The following ZNF57 variants were observed in gnomAD, a reference collection of about 807,000 sequenced individuals.
ZNF57 encodes zinc finger protein 424.
ZNF57 carries 11 observed loss-of-function variants against 13.4 expected under a neutral mutation model. The ratio of observed to expected loss-of-function variants is 0.82; its 90% CI spans 0.52 to 1.36. ZNF57 has a LOEUF of 1.36. ZNF57 is among the 40% of genes most tolerant of loss of function. ZNF57 has a pLI of 0.00. For missense variants in ZNF57, 696 were observed against 667.5 expected (o/e 1.04, Z -0.47); for synonymous variants, 224 against 238.5 (o/e 0.94, Z 0.56).
chr19:2,917,525 C>T lies in ZNF57; in HGVS notation c.904C>T (p.His302Tyr). 6.2e-7 allele frequency: 1 copy of T among 1,613,758 alleles called. No individual in the cohort carries two copies. Among genetic ancestry groups the T allele is most frequent in the South Asian group, 1.1e-5 (1 of 91,018 alleles). Reference sequence around the variant, plus strand: ...GGCTTTTCAAAGACATGAGAAGACGCACACGGGAGAGAAGCCCTATGAATG... The same window carrying T: ...GGCTTTTCAAAGACATGAGAAGACGTACACGGGAGAGAAGCCCTATGAATG... ...PQAFQRHEKT[H>Y]TGEKPYECKQ... Residue 302 changes from histidine (H) to tyrosine (Y), a missense_variant, in exon 4 of 4, where the codon CAC becomes TAC. By Grantham distance (83) the His-to-Tyr change is moderately conservative. Coordinates refer to ENST00000306908, the MANE Select transcript of ZNF57 (RefSeq NM_173480.3).
At chr19:2,908,507 C>T (rs2088097249) in intron 1 of ZNF57, among the ~76,000 whole-genome samples, 2 of 136,572 alleles carry the variant, frequency 1.5e-5, no homozygotes, top group African/African-American at 5.5e-5. Context: ...GTCGCCCAGG[C>T]TGGAGTGCAG....
At chr19:2,909,344 G>T in intron 1 of ZNF57, among the ~76,000 whole-genome samples, 1 of 80,480 alleles carries the variant, frequency 1.2e-5, no homozygotes, top group Non-Finnish European at 2.8e-5. Context: ...GCAGTGGCGC[G>T]ATCTCGGCTC....
At chr19:2,901,925 CA>C (rs964872715) in intron 1 of ZNF57, among the ~76,000 whole-genome samples, 8 of 151,954 alleles carry the variant, frequency 5.3e-5, no homozygotes, top group Non-Finnish European at 1.2e-4. Context: ...GACGATGTTT[CA>C]AAGTACATTC....
chr19:2,916,921 C>T lies in ZNF57; in HGVS notation c.303-3C>T. 1 of 1,558,100 alleles carries T rather than the reference C, an allele frequency of 6.4e-7. No homozygotes were observed. Among genetic ancestry groups the T allele is most frequent in the South Asian group, 1.2e-5 (1 of 82,770 alleles). On this transcript the variant is annotated splice_polypyrimidine_tract_variant and splice_region_variant and intron_variant, in intron 3 of 3. Transcript: ENST00000306908. ...ACATAAAAATGTCTCTCATTTTTAA[C>T]AGAAATCATATGGTGGACAGATTCT...
intron 1 of ZNF57, among the ~76,000 whole-genome samples, chr19:2,905,522 C>T (rs1385938206): frequency 1.3e-5 from 2 of 149,532 alleles, no homozygotes; most frequent in South Asian, 2.1e-4. Flanking sequence ...AATTGTCCCT[C>T]TACCGGCGGA....
chr19:2,912,724 CCA>C (rs2088150575), intron 1 of ZNF57, among the ~76,000 whole-genome samples: 1 of 152,138 alleles, frequency 6.6e-6, no homozygotes, highest in Non-Finnish European at 1.5e-5. Context: ...AAAAGAACTG[CCA>C]CACTGTTTTC....
At chr19:2,916,858 GTTAAT>G (rs2088203725) in intron 3 of ZNF57, 61 bp from the exon 4 acceptor site, 2 of 1,353,056 alleles carry the variant, frequency 1.5e-6, no homozygotes, top group Non-Finnish European at 2.0e-6. Flanking sequence ...TCTAATACTT[GTTAAT>G]ACATCTCAAC....
rs1166896869 is a variant in ZNF57 at position 2,911,101 on chromosome 19, C to T, written c.4-4421C>T. 2.6e-5 allele frequency among the ~76,000 whole-genome samples: 4 copies of T among 152,150 alleles called. No individual in the cohort carries two copies. The East Asian group carries it at 7.7e-4, about 29-fold the overall frequency. ...TTTATTTGGCAGGGTCTTGCTCTAT[C>T]AGCCAGGTTGGAGTGCAGTGGTACA... On this transcript the variant is annotated intron_variant, in intron 1 of 3. Transcript: ENST00000306908.
chr19:2,902,569 G>A (rs1426196053), intron 1 of ZNF57, among the ~76,000 whole-genome samples: 1 of 152,106 alleles, frequency 6.6e-6, no homozygotes, highest in Admixed American at 6.6e-5. Context: ...TTTTTCAAAT[G>A]CCAAAGCAAT....
At chr19:2,910,150 T>G in intron 1 of ZNF57, among the ~76,000 whole-genome samples, 1 of 48,554 alleles carries the variant, frequency 2.1e-5, no homozygotes, top group Non-Finnish European at 6.8e-5. Context: ...TGTCAGAGTT[T>G]TACAATTTTC....
intron 2 of ZNF57, 80 bp from the exon 3 acceptor site, chr19:2,915,998 A>G: frequency 6.7e-7 from 1 of 1,487,002 alleles, no homozygotes. Flanking sequence ...GAGGTCCTCA[A>G]AATGCTAAAC....
rs529852387 is a variant in ZNF57 at position 2,917,168 on chromosome 19, C to T, written c.547C>T (p.Leu183=). ...GCAGGCCTGCATTTGTCCCTCACAC[C>T]TACACAGTCACGGAAGAACTGACAC... ...CKQACICPSH[L]HSHGRTDTEE... is the part of the protein sequence containing the mutation. The change falls in exon 4 of 4, where the codon CTA becomes TTA. Residue 183 remains leucine (L), a synonymous_variant. Coordinates refer to ENST00000306908, the MANE Select transcript of ZNF57 (RefSeq NM_173480.3). 1.9e-6 allele frequency: 3 copies of T among 1,614,062 alleles called. No individual in the cohort carries two copies. Among genetic ancestry groups the T allele is most frequent in the African/African-American group, 1.3e-5 (1 of 74,926 alleles).
chr19:2,908,424 T>C (rs372455503), intron 1 of ZNF57, among the ~76,000 whole-genome samples: 11 of 151,846 alleles, frequency 7.2e-5, no homozygotes, highest in African/African-American at 2.7e-4. Flanking sequence ...GTACAGCCAT[T>C]TAACGTGCAC....
At chr19:2,910,775 T>C (rs1453179530) in intron 1 of ZNF57, among the ~76,000 whole-genome samples, 1 of 115,360 alleles carries the variant, frequency 8.7e-6, no homozygotes, top group African/African-American at 2.9e-5. Flanking sequence ...TTTATATTTT[T>C]AGTAGAGACG....
At chr19:2,912,121 T>G (rs956200658) in intron 1 of ZNF57, 1 of 152,188 alleles carries the variant, frequency 6.6e-6, no homozygotes, top group African/African-American at 2.4e-5. Flanking sequence ...CCCTGATCCT[T>G]TGATGACGTC....
In ZNF57 at chr19:2,910,845, C is replaced by T. The variant is rs139258438; in HGVS notation, c.4-4677C>T. 1.6e-4 allele frequency among the ~76,000 whole-genome samples: 24 copies of T among 145,980 alleles called. 4 individuals carry two copies. The highest frequency in any genetic ancestry group is 6.0e-4 in the African/African-American group (24 of 40,224). On this transcript the variant is annotated intron_variant, in intron 1 of 3. Coordinates refer to ENST00000306908, the MANE Select transcript of ZNF57 (RefSeq NM_173480.3). Reference sequence around the variant, plus strand: ...TCCTGACGTCGTGATCCGCCCGCCTCGGCCTCCGGAAGTGCTGGGATGACG... The same window carrying T: ...TCCTGACGTCGTGATCCGCCCGCCTTGGCCTCCGGAAGTGCTGGGATGACG...
At chr19:2,902,578 A>G (rs2088039268) in intron 1 of ZNF57, among the ~76,000 whole-genome samples, 3 of 152,176 alleles carry the variant, frequency 2.0e-5, no homozygotes, top group Non-Finnish European at 4.4e-5. Context: ...TGCCAAAGCA[A>G]TCAGACAAAA....
intron 1 of ZNF57, among the ~76,000 whole-genome samples, chr19:2,909,275 A>ATTTTTTTTTT (rs1258331033): frequency 9.6e-6 from 1 of 103,786 alleles, no homozygotes; most frequent in Non-Finnish European, 2.0e-5. Flanking sequence ...TATTTTATTT[A>ATTTTTTTTTT]TTTTTGTTTT....
chr19:2,901,699 A>G (rs1191663475), intron 1 of ZNF57, among the ~76,000 whole-genome samples: 2 of 151,832 alleles, frequency 1.3e-5, no homozygotes, highest in East Asian at 3.9e-4. Context: ...TTTTGTTTTT[A>G]GTAGAGACAG....
Sources: gnomAD v4.1 joint callset for allele counts (sites outside exome capture counted in the v4.1 genomes callset) on GRCh38, gnomAD v4.1.1 for gene constraint, MANE v1.5 for transcripts, NCBI Gene and HGNC (gene_info 2026-07-23, HGNC 2026-07-21) for gene names.